The following MCAM variants were observed in gnomAD, a reference collection of about 807,000 sequenced individuals.
MCAM encodes the protein melanoma cell adhesion molecule.
A neutral mutation model predicts 79.1 loss-of-function variants in MCAM; 55 were observed. The observed-to-expected ratio is 0.70, with a 90% CI of 0.56 to 0.87. MCAM has a LOEUF of 0.87. Among genes scored for constraint, MCAM ranks in the 40% least tolerant of loss-of-function variants. The pLI is 0.00. For synonymous variants in MCAM, 330 were observed against 339.8 expected (o/e 0.97, Z 0.32); for missense variants, 745 against 839.8 (o/e 0.89, Z 1.40).
At position 119,316,904 on chromosome 11, in the gene MCAM, C is replaced by T; in HGVS notation, c.67+131G>A. ...GCTCGCGCGCAAGGCGCCCGGGGAT[C>T]GGGGACCCAGGGAGGAGGCTCGTCC... On this transcript the variant is annotated intron_variant, in intron 1 of 15. Transcript: ENST00000264036. This position sits in a 1 kb window ranked among gnomAD's most constrained non-coding sequence, Gnocchi z 4.8. The T allele has an allele frequency of 2.8e-6, 2 of 725,934 alleles. No homozygotes were observed. Among genetic ancestry groups the T allele is most frequent in the Admixed American group, 3.3e-5 (1 of 29,966 alleles). The allele number at this position is 725,934 out of a possible 1,614,324, so 45.0% of individuals were successfully genotyped here.
chr11:119,317,053 AG>A lies in MCAM; in HGVS notation c.48del (p.Cys17AlafsTer30). 1.3e-6 allele frequency: 2 copies of A among 1,535,036 alleles called. No homozygotes were observed. The highest frequency in any genetic ancestry group is 1.7e-6 in the Non-Finnish European group (2 of 1,144,644). Reference sequence around the variant, plus strand: ...AACTCACCCGCGACGCGAGGACAGCAGCAGCAGGCGGCGAGCAAGAAGGCGC... The same window carrying A: ...AACTCACCCGCGACGCGAGGACAGCACAGCAGGCGGCGAGCAAGAAGGCGC... ...LVCAFLLAAC[C>X]CCPRVAGVPG... is the part of the protein sequence containing the mutation. On this transcript the variant is annotated frameshift_variant, in exon 1 of 16. Coordinates refer to ENST00000264036, the MANE Select transcript of MCAM (RefSeq NM_006500.3). LOFTEE classifies it high-confidence loss of function. This position sits in a 1 kb window ranked among gnomAD's most constrained non-coding sequence, Gnocchi z 6.2.
At position 119,311,098 on chromosome 11, in the gene MCAM, G is replaced by T. The variant is rs374949303; in HGVS notation, c.1637C>A (p.Thr546Asn). The change falls in exon 13 of 16, where the codon ACC becomes AAC. Residue 546 changes from threonine to asparagine, a missense_variant. By Grantham distance (65) the Thr-to-Asn change is moderately conservative. Transcript: ENST00000264036. This position sits in a 1 kb window ranked among gnomAD's most constrained non-coding sequence, Gnocchi z 4.4. ...TGCCAGGCCTGGCTTACCTGTGGAG[G>T]TGCTGTTGGCTCTGGTATGAGGACT... ...TASPHTRANS[T>N]STERKLPEPE... is the part of the protein sequence containing the mutation. 1.3e-5 allele frequency: 21 copies of T among 1,614,148 alleles called. No homozygotes were observed. Among genetic ancestry groups the T allele is most frequent in the Non-Finnish European group, 1.8e-5 (21 of 1,180,058 alleles).
chr11:119,311,473 T>G lies in MCAM; in HGVS notation c.1408-52A>C. 6.2e-7 allele frequency: 1 copy of G among 1,613,536 alleles called. No individual in the cohort carries two copies. Among genetic ancestry groups the G allele is most frequent in the Non-Finnish European group, 8.5e-7 (1 of 1,179,546 alleles). Reference sequence around the variant, plus strand: ...AGGGGATGGGGAGGATCTCTGGTCCTGGCCACAAAGCGCAGGCAGGGATTA... The same window carrying G: ...AGGGGATGGGGAGGATCTCTGGTCCGGGCCACAAAGCGCAGGCAGGGATTA... On this transcript the variant is annotated intron_variant, in intron 11 of 15. Transcript: ENST00000264036. This position sits in a 1 kb window ranked among gnomAD's most constrained non-coding sequence, Gnocchi z 4.4.
Position 119,314,296 on chromosome 11 carries a change from C to T in MCAM, c.559+193G>A, listed in dbSNP as rs535404833. 5.9e-4 allele frequency: 338 copies of T among 577,266 alleles called. 2 individuals carry two copies. Among genetic ancestry groups the T allele is most frequent in the Admixed American group, 2.4e-3 (79 of 32,488 alleles). 35.8% of individuals were successfully genotyped at this position (577,266 alleles called of 1,614,324 possible). A position where few individuals can be genotyped will look rare whatever the true frequency, so the allele number is the denominator to read the frequency against. ...TCAGCCTCCCAAGTATCTGGGACCACAGGCACACACCACCATGCCTGGCTA... is the reference window on the plus strand; with the variant it reads ...TCAGCCTCCCAAGTATCTGGGACCATAGGCACACACCACCATGCCTGGCTA... On this transcript the variant is annotated intron_variant, in intron 5 of 15. Transcript: ENST00000264036.
chr11:119,312,019 C>T lies in MCAM; in HGVS notation c.1143+33G>A. On this transcript the variant is annotated intron_variant, in intron 9 of 15. Coordinates refer to ENST00000264036, the MANE Select transcript of MCAM (RefSeq NM_006500.3). This position sits in a 1 kb window ranked among gnomAD's most constrained non-coding sequence, Gnocchi z 4.9. ...TTGTCACCGCCAGCCCCACCCACCC[C>T]ATCAGCCCCTTGCCCCAGACCCGCC... 1 of 1,604,252 alleles carries T rather than the reference C, an allele frequency of 6.2e-7. No individual in the cohort carries two copies. Among genetic ancestry groups the T allele is most frequent in the Non-Finnish European group, 8.5e-7 (1 of 1,173,592 alleles).
Position 119,309,736 on chromosome 11 carries a change from G to C in MCAM, c.*150C>G. ...TTGCAGGGCCAAGTGAGGTCCTCAG[G>C]TCCTAACCCAGTGGCCCTCTGAAAG... On this transcript the variant is annotated 3_prime_UTR_variant, in exon 16 of 16. Transcript: ENST00000264036. 1.3e-6 allele frequency: 1 copy of C among 783,504 alleles called. No homozygotes were observed. Among genetic ancestry groups the C allele is most frequent in the Non-Finnish European group, 2.1e-6 (1 of 470,278 alleles). 48.5% of individuals were successfully genotyped at this position (783,504 alleles called of 1,614,324 possible). A position where few individuals can be genotyped will look rare whatever the true frequency, so the allele number is the denominator to read the frequency against.
rs764904646 is a variant in MCAM at position 119,315,311 on chromosome 11, T to C, written c.68-48A>G. On this transcript the variant is annotated intron_variant, in intron 1 of 15. Transcript: ENST00000264036. This position sits in a 1 kb window ranked among gnomAD's most constrained non-coding sequence, Gnocchi z 4.4. ...CCGCAGCTGTGTCAGCTCCGGCTGCTGTCCGCCCCTCCCCTCGCAGCGCTG... is the reference window on the plus strand; with the variant it reads ...CCGCAGCTGTGTCAGCTCCGGCTGCCGTCCGCCCCTCCCCTCGCAGCGCTG... The C allele has an allele frequency of 1.2e-4, 192 of 1,572,606 alleles. No homozygotes were observed. Among genetic ancestry groups the C allele is most frequent in the Admixed American group, 1.1e-3 (64 of 57,200 alleles).
rs539839085 is a variant in MCAM at position 119,316,582 on chromosome 11, C to A, written c.67+453G>T. 4.6e-3 allele frequency: 729 copies of A among 159,186 alleles called. 4 individuals are homozygous for A. Among genetic ancestry groups the A allele is most frequent in the Non-Finnish European group, 7.5e-3 (545 of 72,212 alleles). 9.9% of individuals were successfully genotyped at this position (159,186 alleles called of 1,614,324 possible). On this transcript the variant is annotated intron_variant, in intron 1 of 15. Transcript: ENST00000264036. This position sits in a 1 kb window ranked among gnomAD's most constrained non-coding sequence, Gnocchi z 4.8. ...CTCACCTCCAGCCTGGCGTGATGCCCAGGCAGAAGGGGGAAGGGGTGGGTC... is the reference window on the plus strand; with the variant it reads ...CTCACCTCCAGCCTGGCGTGATGCCAAGGCAGAAGGGGGAAGGGGTGGGTC...
intron 5 of MCAM, 179 bp from the exon 6 acceptor site, chr11:119,313,128 C>A: frequency 6.5e-7 from 1 of 1,532,886 alleles, no homozygotes; most frequent in Non-Finnish European, 8.7e-7. Context: ...TCAGTGTCAA[C>A]CCTAGAAAAA....
rs1950286173 is a variant in MCAM, at chr11:119,314,818, C to G, written c.400+15G>C. ...CCACCCTCACTACCCTGCTGGCAGA[C>G]ACAGGGTCACGCACTGTAGACGCGG... is the stretch of plus-strand genomic sequence containing the variant. On this transcript the variant is annotated intron_variant, in intron 3 of 15. Transcript: ENST00000264036. The G allele has an allele frequency of 6.2e-7, 1 of 1,613,300 alleles. No homozygotes were observed. The highest frequency in any genetic ancestry group is 1.3e-5 in the African/African-American group (1 of 74,930).
chr11:119,311,949 T>G lies in MCAM; in HGVS notation c.1144A>C (p.Thr382Pro). 6.2e-7 allele frequency: 1 copy of G among 1,613,592 alleles called. No individual in the cohort carries two copies. The highest frequency in any genetic ancestry group is 8.5e-7 in the Non-Finnish European group (1 of 1,179,974). Residue 382 changes from threonine to proline, a missense_variant and splice_region_variant, in exon 10 of 16, where the codon ACA (threonine) becomes CCA (proline). Thr to Pro is a conservative substitution (Grantham distance 38). Coordinates refer to ENST00000264036, the MANE Select transcript of MCAM (RefSeq NM_006500.3). The surrounding 1 kb of genome is among the most constrained non-coding windows in gnomAD (Gnocchi z 4.4). ...GGCCCCCTTTCCAGCACCTGGCCTGTCTGGGATGAGAGATGGGTCAGAGGG... is the reference window on the plus strand; with the variant it reads ...GGCCCCCTTTCCAGCACCTGGCCTGGCTGGGATGAGAGATGGGTCAGAGGG... Reference protein sequence around the residue: ...DLEFQWLREETGQVLERGPVL... With the variant: ...DLEFQWLREEPGQVLERGPVL...
intron 5 of MCAM, 158 bp from the exon 6 acceptor site, chr11:119,313,107 A>G: frequency 6.5e-7 from 1 of 1,537,002 alleles, no homozygotes; most frequent in Non-Finnish European, 8.7e-7. Context: ...TCAACCCAGC[A>G]CTTTTACTGC....
rs141199045 is a variant in MCAM at position 119,314,574 on chromosome 11, G to T, written c.474C>A (p.Val158=). The T allele has an allele frequency of 6.2e-7, 1 of 1,613,706 alleles. No individual in the cohort carries two copies. ...IPVNSKEPEE[V]ATCVGRNGYP... is the part of the protein sequence containing the mutation. Reference sequence around the variant, plus strand: ...ACCCGTTCCTCCCTACACAGGTAGCGACCTAAAGAGCACAGGGTGTGAGTC... The same window carrying T: ...ACCCGTTCCTCCCTACACAGGTAGCTACCTAAAGAGCACAGGGTGTGAGTC... Residue 158 remains valine (V), a splice_region_variant and synonymous_variant, in exon 5 of 16, where the codon GTC becomes GTA. Coordinates refer to ENST00000264036, the MANE Select transcript of MCAM (RefSeq NM_006500.3).
In MCAM at chr11:119,309,762, G is replaced by T; in HGVS notation, c.*124C>A. 1 of 1,008,128 alleles carries T rather than the reference G, an allele frequency of 9.9e-7. No homozygotes were observed. The highest frequency in any genetic ancestry group is 1.5e-6 in the Non-Finnish European group (1 of 663,088). The allele number at this position is 1,008,128 out of a possible 1,614,324, so 62.4% of individuals were successfully genotyped here. Reference sequence around the variant, plus strand: ...TCCTAACCCAGTGGCCCTCTGAAAGGGGGTGTGCAGGCGAGGGGAGCAGGA... The same window carrying T: ...TCCTAACCCAGTGGCCCTCTGAAAGTGGGTGTGCAGGCGAGGGGAGCAGGA... On this transcript the variant is annotated 3_prime_UTR_variant, in exon 16 of 16. Coordinates refer to ENST00000264036, the MANE Select transcript of MCAM (RefSeq NM_006500.3).
rs780801087 is a variant in MCAM, at chr11:119,309,870, C to G, written c.*16G>C. On this transcript the variant is annotated 3_prime_UTR_variant, in exon 16 of 16. Transcript: ENST00000264036. ...GGAATGGTCCAGGCAGGGAAGGGAGCTGAAGTGATTCGGGGCTAATGCCTC... is the reference window on the plus strand; with the variant it reads ...GGAATGGTCCAGGCAGGGAAGGGAGGTGAAGTGATTCGGGGCTAATGCCTC... The G allele has an allele frequency of 6.3e-7, 1 of 1,596,194 alleles. No homozygotes were observed. The highest frequency in any genetic ancestry group is 8.5e-7 in the Non-Finnish European group (1 of 1,170,786).
chr11:119,309,923 TG>T lies in MCAM; in HGVS notation c.1912-9del. 6.3e-7 allele frequency: 1 copy of T among 1,598,052 alleles called. No homozygotes were observed. The highest frequency in any genetic ancestry group is 8.5e-7 in the Non-Finnish European group (1 of 1,172,384). The stretch of plus-strand genomic sequence containing the variant: ...ATCGATGTATTTCTCTCCCTAAAAG[TG>T]GGTAGAGGAGAAGAGGGGAACACGG... On this transcript the variant is annotated splice_polypyrimidine_tract_variant and intron_variant, in intron 15 of 15. Transcript: ENST00000264036.
chr11:119,313,279 A>T, intron 5 of MCAM: 1 of 1,356,642 alleles, frequency 7.4e-7, no homozygotes, highest in South Asian at 1.2e-5. Flanking sequence ...CTTGGCAGTA[A>T]GCAAAACGAT....
At position 119,310,874 on chromosome 11, in the gene MCAM, C is replaced by T; in HGVS notation, c.1675G>A (p.Gly559Ser). 6.2e-7 allele frequency: 1 copy of T among 1,614,204 alleles called. No homozygotes were observed. The highest frequency in any genetic ancestry group is 1.1e-5 in the South Asian group (1 of 91,088). Residue 559 changes from glycine to serine, a missense_variant, in exon 14 of 16, where the codon GGC becomes AGC. Gly to Ser is a moderately conservative substitution (Grantham distance 56). Transcript: ENST00000264036. ...ERKLPEPESR[G>S]VVIVAVIVCI... ...ACAATCACAGCCACGATGACCACGCCCCGGCTCTCCGGCTCCGGCAGCTTT... is the reference window on the plus strand; with the variant it reads ...ACAATCACAGCCACGATGACCACGCTCCGGCTCTCCGGCTCCGGCAGCTTT...
chr11:119,310,071 G>A, intron 15 of MCAM, 156 bp from the exon 16 acceptor site: 2 of 694,792 alleles, frequency 2.9e-6, no homozygotes, highest in Admixed American at 2.4e-5. Flanking sequence ...CAGGGAAGGA[G>A]GGCGGCCCCC....
Sources: gnomAD v4.1 joint callset for allele counts on GRCh38, gnomAD v4.1.1 for gene constraint, Gnocchi (gnomAD v3.1) non-coding constraint, MANE v1.5 for transcripts, NCBI Gene and HGNC (gene_info 2026-07-23, HGNC 2026-07-21) for gene names.